The following SLC5A8 variants were observed in gnomAD, a reference collection of about 807,000 sequenced individuals.
The protein encoded by SLC5A8 is solute carrier family 5 member 8, also known as sodium-coupled monocarboxylate transporter 1.
SLC5A8 carries 55 observed loss-of-function variants against 71.9 expected under a neutral mutation model. The ratio of observed to expected loss-of-function variants is 0.77; its 90% CI spans 0.62 to 0.96. The LOEUF (loss-of-function observed/expected upper bound fraction) is 0.96. Ranked by LOEUF, SLC5A8 falls within the 40% of genes least tolerant of loss-of-function variation. The probability of loss-of-function intolerance (pLI) is 0.00; values close to 1 mark genes in which losing one functional copy is unlikely to be tolerated. For missense variants in SLC5A8, 701 were observed against 745.3 expected (o/e 0.94, Z 0.69); for synonymous variants, 307 against 276.1 (o/e 1.11, Z -1.11).
chr12:101,194,989 A>G, intron 4 of SLC5A8, 106 bp downstream of exon 4: 2 of 1,021,920 alleles, frequency 2.0e-6, no homozygotes, highest in Non-Finnish European at 3.0e-6. Context: ...GGTTGGGAAT[A>G]GGAGAGTAAG....
At position 101,162,082 on chromosome 12, in the gene SLC5A8, G is replaced by A; in HGVS notation, c.1527-5C>T. 6.2e-7 allele frequency: 1 copy of A among 1,602,322 alleles called. No homozygotes were observed. Among genetic ancestry groups the A allele is most frequent in the Non-Finnish European group, 8.5e-7 (1 of 1,169,706 alleles). The stretch of plus-strand genomic sequence containing the variant: ...CAGTTATCCATCAGTGGAGTCCTAA[G>A]AGAGCAAAAACACAACGGTAAGATT... On this transcript the variant is annotated splice_region_variant and splice_polypyrimidine_tract_variant and intron_variant, in intron 12 of 14. Transcript: ENST00000536262.
chr12:101,158,075 A>G (rs990455955), intron 14 of SLC5A8, among the ~76,000 whole-genome samples, 174 bp downstream of exon 14: 1 of 152,192 alleles, frequency 6.6e-6, no homozygotes, highest in Non-Finnish European at 1.5e-5. Flanking sequence ...TATAAAACAG[A>G]TATAGATCAT....
intron 3 of SLC5A8, 56 bp from the exon 4 acceptor site, chr12:101,195,218 T>A (rs1869118388): frequency 1.2e-5 from 18 of 1,562,022 alleles, no homozygotes; most frequent in Admixed American, 1.7e-5. Flanking sequence ...ATAAAAATAA[T>A]CCTCAAAAAT....
chr12:101,167,278 T>C (rs1190094955), intron 11 of SLC5A8, among the ~76,000 whole-genome samples: 2 of 152,234 alleles, frequency 1.3e-5, no homozygotes, highest in African/African-American at 2.4e-5. Flanking sequence ...GCTTTTCATA[T>C]GACATTTCAT....
intron 7 of SLC5A8, among the ~76,000 whole-genome samples, chr12:101,186,104 C>A (rs1868633147): frequency 6.8e-6 from 1 of 147,864 alleles, no homozygotes. Flanking sequence ...TTTTTTGGCC[C>A]AGGGTAAAGG....
chr12:101,184,559 G>A (rs1868539060), intron 7 of SLC5A8, among the ~76,000 whole-genome samples: 1 of 152,174 alleles, frequency 6.6e-6, no homozygotes. Context: ...AAAACTCATA[G>A]TATAGTATAT....
In SLC5A8 at chr12:101,157,073, G is replaced by A. The variant is rs1039580377; in HGVS notation, c.*206C>T. On this transcript the variant is annotated 3_prime_UTR_variant, in exon 15 of 15. Coordinates refer to ENST00000536262, the MANE Select transcript of SLC5A8 (RefSeq NM_145913.5). The stretch of plus-strand genomic sequence containing the variant: ...CGAAATAAAGGAAAGAGAGGGAAAT[G>A]TCAATGCCAGAATTCTAAACTCCAG... 8 of 504,656 alleles carry A rather than the reference G, an allele frequency of 1.6e-5. No homozygotes were observed. The highest frequency in any genetic ancestry group is 1.4e-4 in the Admixed American group (4 of 28,704). 31.3% of individuals were successfully genotyped at this position (504,656 alleles called of 1,614,324 possible).
intron 14 of SLC5A8, 133 bp downstream of exon 14, chr12:101,158,116 G>T: frequency 2.9e-6 from 2 of 680,544 alleles, no homozygotes; most frequent in South Asian, 1.7e-5. Flanking sequence ...AACATATATA[G>T]ATCATCAGAT....
At chr12:101,168,500 C>T (rs554665294) in intron 10 of SLC5A8, among the ~76,000 whole-genome samples, 1 of 152,310 alleles carries the variant, frequency 6.6e-6, no homozygotes, top group East Asian at 1.9e-4. Context: ...CTTAGCATTG[C>T]TCTTGCAGGT....
At chr12:101,170,056 C>T (rs721633) in intron 10 of SLC5A8, among the ~76,000 whole-genome samples, 4 of 152,072 alleles carry the variant, frequency 2.6e-5, no homozygotes, top group East Asian at 1.9e-4. Flanking sequence ...AGGCAGTGGA[C>T]GAGGTAGAGA....
At chr12:101,169,297 G>A (rs2051805502) in intron 10 of SLC5A8, among the ~76,000 whole-genome samples, 1 of 152,214 alleles carries the variant, frequency 6.6e-6, no homozygotes, top group African/African-American at 2.4e-5. Context: ...CTGGCTTGGA[G>A]TTATGATGAC....
chr12:101,186,285 G>A (rs1163876441), intron 7 of SLC5A8, among the ~76,000 whole-genome samples: 2 of 152,118 alleles, frequency 1.3e-5, no homozygotes, highest in Non-Finnish European at 2.9e-5. Flanking sequence ...AGAACAGAGA[G>A]GGTGTGTTTA....
At position 101,193,625 on chromosome 12, in the gene SLC5A8, T is replaced by C; in HGVS notation, c.692A>G (p.Asn231Ser). Residue 231 changes from asparagine (N) to serine (S), a missense_variant and splice_region_variant, in exon 5 of 15, where the codon AAT becomes AGT. By Grantham distance (46) the Asn-to-Ser change is conservative. Coordinates refer to ENST00000536262, the MANE Select transcript of SLC5A8 (RefSeq NM_145913.5). Reference sequence around the variant, plus strand: ...AGTTACCCAAGTACTAGACACTTACTTCCAGAAATTTAATCTTCCACCATC... The same window carrying C: ...AGTTACCCAAGTACTAGACACTTACCTCCAGAAATTTAATCTTCCACCATC... ...AYDGGRLNFW[N>S]FNPNPLQRHT... 2 of 1,613,114 alleles carry C rather than the reference T, an allele frequency of 1.2e-6. No homozygotes were observed. The highest frequency in any genetic ancestry group is 2.2e-5 in the South Asian group (2 of 90,758).
Position 101,210,182 on chromosome 12 carries a change from AGCCTCCAGCTGCTT to A in SLC5A8, c.-348_-335del. ...GGACACCTGAGCAGATGAGAACTGG[AGCCTCCAGCTGCTT>A]CCAGCGAATCTACACAGGGAGCGCT... On this transcript the variant is annotated 5_prime_UTR_variant, in exon 1 of 15. Transcript: ENST00000536262. 4.4e-5 allele frequency: 13 copies of A among 296,402 alleles called. No individual in the cohort carries two copies. The highest frequency in any genetic ancestry group is 7.4e-5 in the Non-Finnish European group (12 of 163,056). 18.4% of individuals were successfully genotyped at this position (296,402 alleles called of 1,614,324 possible).
intron 10 of SLC5A8, among the ~76,000 whole-genome samples, chr12:101,178,619 A>G (rs1009265764): frequency 2.0e-5 from 3 of 152,298 alleles, no homozygotes; most frequent in African/African-American, 7.2e-5. Context: ...GGAAAAGAGA[A>G]TGTCAACCTA....
rs149707334 is a variant in SLC5A8, at chr12:101,209,689, C to A, written c.160G>T (p.Ala54Ser). 3 of 1,613,506 alleles carry A rather than the reference C, an allele frequency of 1.9e-6. No homozygotes were observed. The highest frequency in any genetic ancestry group is 2.5e-6 in the Non-Finnish European group (3 of 1,180,014). The change falls in exon 1 of 15, where the codon GCA (alanine) becomes TCA (serine). Residue 54 changes from alanine to serine, a missense_variant. Physicochemically the swap from Ala to Ser is moderately conservative, Grantham distance 99 (BLOSUM62 1). Coordinates refer to ENST00000536262, the MANE Select transcript of SLC5A8 (RefSeq NM_145913.5). ...DFLMGGRRMTAVPVALSLTAS... is the reference protein window; with the variant it reads ...DFLMGGRRMTSVPVALSLTAS... Reference sequence around the variant, plus strand: ...GTGAGGGACAGCGCCACGGGCACTGCGGTCATTCTGCGGCCGCCCATCAGG... The same window carrying A: ...GTGAGGGACAGCGCCACGGGCACTGAGGTCATTCTGCGGCCGCCCATCAGG...
intron 2 of SLC5A8, among the ~76,000 whole-genome samples, chr12:101,203,979 A>G (rs1253629075): frequency 6.6e-6 from 1 of 152,202 alleles, no homozygotes; most frequent in African/African-American, 2.4e-5. Flanking sequence ...CACTCTAAGG[A>G]CTGCTTTAGT....
rs2051726495 is a variant in SLC5A8 at position 101,161,919 on chromosome 12, A to AT, written c.1630+54_1630+55insA. 10 of 1,192,400 alleles carry AT rather than the reference A, an allele frequency of 8.4e-6. No homozygotes were observed. In the East Asian group the frequency reaches 2.3e-4, roughly 28 times the overall value. The allele number at this position is 1,192,400 out of a possible 1,614,324, so 73.9% of individuals were successfully genotyped here. ...TAACATAAATAGCTATAAAACAGAT[A>AT]CAGTAAAAACTGATATAGAGGTAAA... On this transcript the variant is annotated intron_variant, in intron 13 of 14. Transcript: ENST00000536262.
In SLC5A8 at chr12:101,166,575, C is replaced by T. The variant is rs144331635; in HGVS notation, c.1445G>A (p.Ser482Asn). ...CATCAAATTTGTCTCATTGTAGGTG[C>T]TGTTACAGCCTTGGATATCAAGGTG... ...PLHLDIQGCN[S>N]TYNETNLMTT... is the part of the protein sequence containing the mutation. Residue 482 changes from serine (S) to asparagine (N), a missense_variant, in exon 12 of 15, where the codon AGC becomes AAC. Coordinates refer to ENST00000536262, the MANE Select transcript of SLC5A8 (RefSeq NM_145913.5). The T allele has an allele frequency of 5.2e-5, 84 of 1,613,910 alleles. No homozygotes were observed. The highest frequency in any genetic ancestry group is 6.7e-5 in the Admixed American group (4 of 59,976).
Sources: gnomAD v4.1 joint callset for allele counts (sites outside exome capture counted in the v4.1 genomes callset) on GRCh38, gnomAD v4.1.1 for gene constraint, MANE v1.5 for transcripts, NCBI Gene and HGNC (gene_info 2026-07-23, HGNC 2026-07-21) for gene names.